Variants in PIWIL2 observed in about 807,000 individuals in gnomAD.
The protein encoded by PIWIL2 is piwi-like protein 2.
In PIWIL2, 81 loss-of-function variants were observed where a neutral mutation model predicts 116.5. The ratio of observed to expected loss-of-function variants is 0.70; its 90% confidence interval spans 0.58 to 0.84. The LOEUF is 0.84. PIWIL2 is among the 40% of genes least tolerant of loss of function. PIWIL2 has a pLI of 0.00. For synonymous variants in PIWIL2, 489 were observed against 429.5 expected (o/e 1.14, Z -1.71); for missense variants, 1,272 against 1,212.3 (o/e 1.05, Z -0.73).
chr8:22,332,562 A>G (rs1385891197), intron 20 of PIWIL2, among the ~76,000 whole-genome samples: 1 of 152,088 alleles, frequency 6.6e-6, no homozygotes, highest in Non-Finnish European at 1.5e-5. Flanking sequence ...GAGGGTAAAG[A>G]TAAATATATA....
In PIWIL2 at chr8:22,337,933, A is replaced by C. The variant is rs1252472083; in HGVS notation, c.2404-15026A>C. ...ACATGGCAAAACCCCGTCTCTACTAAAAGTACAAGTATTAGCAGGGTGTGG... is the reference window on the plus strand; with the variant it reads ...ACATGGCAAAACCCCGTCTCTACTACAAGTACAAGTATTAGCAGGGTGTGG... On this transcript the variant is annotated intron_variant, in intron 20 of 22. Transcript: ENST00000356766. Among the ~76,000 whole-genome samples the C allele has an allele frequency of 3.3e-5, 5 of 151,684 alleles. No individual in the cohort carries two copies. The South Asian group carries it at 8.3e-4, about 25-fold the overall frequency.
chr8:22,331,104 A>G (rs1258769439), intron 20 of PIWIL2, among the ~76,000 whole-genome samples: 2 of 152,170 alleles, frequency 1.3e-5, no homozygotes, highest in Non-Finnish European at 2.9e-5. Flanking sequence ...TGAACCCAGG[A>G]GGTGGAGGTT....
At chr8:22,280,124 A>G (rs558058071) in intron 2 of PIWIL2, among the ~76,000 whole-genome samples, 2 of 152,312 alleles carry the variant, frequency 1.3e-5, no homozygotes, top group Non-Finnish European at 2.9e-5. Flanking sequence ...CTTGGTAAGT[A>G]CCATAGGTCC....
chr8:22,345,432 G>A (rs920327122), intron 20 of PIWIL2, among the ~76,000 whole-genome samples: 4 of 151,958 alleles, frequency 2.6e-5, no homozygotes, highest in African/African-American at 7.2e-5. Context: ...AGGCTGAGGC[G>A]GGCGGATCAC....
intron 20 of PIWIL2, among the ~76,000 whole-genome samples, chr8:22,323,768 A>G (rs1007249053): frequency 1.3e-5 from 2 of 152,264 alleles, no homozygotes; most frequent in Non-Finnish European, 2.9e-5. Context: ...TAATTAGTCC[A>G]GATTATCATC....
chr8:22,309,937 A>T (rs773099598), intron 14 of PIWIL2, 24 bp from the exon 15 acceptor site: 1 of 1,391,890 alleles, frequency 7.2e-7, no homozygotes, highest in Non-Finnish European at 1.0e-6. Flanking sequence ...GGCTCATGTC[A>T]TAGATGGTTT....
intron 20 of PIWIL2, among the ~76,000 whole-genome samples, chr8:22,351,108 A>G (rs1230607733): frequency 4.6e-5 from 7 of 151,666 alleles, no homozygotes; most frequent in Admixed American, 4.6e-4. Context: ...TCAAGATTGC[A>G]TCACTGCACT....
intron 20 of PIWIL2, among the ~76,000 whole-genome samples, chr8:22,349,092 A>C (rs1832294012): frequency 1.4e-5 from 2 of 138,816 alleles, no homozygotes; most frequent in African/African-American, 5.3e-5. Flanking sequence ...TCTGTCACCC[A>C]GGCTGGAGTG....
chr8:22,328,055 T>G (rs1168495638), intron 20 of PIWIL2, among the ~76,000 whole-genome samples: 1 of 151,974 alleles, frequency 6.6e-6, no homozygotes, highest in African/African-American at 2.4e-5. Flanking sequence ...TGTCCCCTGT[T>G]TTTTTTTTCT....
intron 10 of PIWIL2, among the ~76,000 whole-genome samples, chr8:22,301,906 G>A (rs1360869755): frequency 6.6e-6 from 1 of 152,076 alleles, no homozygotes; most frequent in Admixed American, 6.6e-5. Context: ...ACCTTTGTCA[G>A]TTATTATTTG....
rs199838016 is a variant in PIWIL2, at chr8:22,355,687, G to C, written c.*182G>C. 1.6e-6 allele frequency: 1 copy of C among 620,880 alleles called. No individual in the cohort carries two copies. Among genetic ancestry groups the C allele is most frequent in the African/African-American group, 1.8e-5 (1 of 54,258 alleles). The allele number at this position is 620,880 out of a possible 1,614,324, so 38.5% of individuals were successfully genotyped here. On this transcript the variant is annotated 3_prime_UTR_variant, in exon 23 of 23. Transcript: ENST00000356766. Reference sequence around the variant, plus strand: ...TAATATCACCAAGAAGCAAGTTTCTGAGTAACAGCTGAAAATGGCCTTGTT... The same window carrying C: ...TAATATCACCAAGAAGCAAGTTTCTCAGTAACAGCTGAAAATGGCCTTGTT...
chr8:22,353,095 T>C lies in PIWIL2; in HGVS notation c.2540T>C (p.Met847Thr). Residue 847 changes from methionine to threonine, a missense_variant, in exon 21 of 23, where the codon ATG (methionine) becomes ACG (threonine). Transcript: ENST00000356766. ...FEAFENYQPK[M>T]VVFVVQKKIS... ...GCTTTTGAGAATTATCAGCCCAAGATGGTGGTGTTTGTAGTTCAGAAGAAA... is the reference window on the plus strand; with the variant it reads ...GCTTTTGAGAATTATCAGCCCAAGACGGTGGTGTTTGTAGTTCAGAAGAAA... 1.2e-6 allele frequency: 2 copies of C among 1,614,188 alleles called. No homozygotes were observed. The highest frequency in any genetic ancestry group is 1.7e-6 in the Non-Finnish European group (2 of 1,180,016).
At position 22,279,367 on chromosome 8, in the gene PIWIL2, G is replaced by T. The variant is rs150497956; in HGVS notation, c.-20G>T. 5.6e-6 allele frequency: 9 copies of T among 1,594,612 alleles called. No homozygotes were observed. In the Admixed American group the frequency reaches 1.5e-4, roughly 27 times the overall value. On this transcript the variant is annotated 5_prime_UTR_variant, in exon 2 of 23. Transcript: ENST00000356766. ...TAATTAACCAGAACAGGATCGACAC[G>T]TGTTCTCTACAGCCCGTCCATGGAT...
chr8:22,285,505 G>T (rs1407322434), intron 6 of PIWIL2, among the ~76,000 whole-genome samples: 7 of 152,172 alleles, frequency 4.6e-5, no homozygotes, highest in African/African-American at 1.7e-4. Context: ...GTTGTGAACA[G>T]TGCTGCAGTG....
In PIWIL2 at chr8:22,287,545, A is replaced by G; in HGVS notation, c.761A>G (p.Lys254Arg). ...HVTFSPNVEC[K>R]SMRFGMLKDH... ...TTTTCCAGCCCCAATGTGGAGTGCAAAAGCATGAGGTTCGGCATGTTGAAG... is the reference window on the plus strand; with the variant it reads ...TTTTCCAGCCCCAATGTGGAGTGCAGAAGCATGAGGTTCGGCATGTTGAAG... Residue 254 changes from lysine (K) to arginine (R), a missense_variant, in exon 7 of 23, where the codon AAA (lysine) becomes AGA (arginine). By Grantham distance (26) the Lys-to-Arg change is conservative. Coordinates refer to ENST00000356766, the MANE Select transcript of PIWIL2 (RefSeq NM_018068.5). The G allele has an allele frequency of 6.2e-7, 1 of 1,612,908 alleles. No individual in the cohort carries two copies. The highest frequency in any genetic ancestry group is 1.3e-5 in the African/African-American group (1 of 75,026).
At chr8:22,346,376 C>T (rs879813391) in intron 20 of PIWIL2, among the ~76,000 whole-genome samples, 1 of 152,196 alleles carries the variant, frequency 6.6e-6, no homozygotes, top group Non-Finnish European at 1.5e-5. Flanking sequence ...GGAAGAATGC[C>T]TTCGCATGCT....
At position 22,278,015 on chromosome 8, in the gene PIWIL2, A is replaced by G. The variant is rs138084185; in HGVS notation, c.-46-1326A>G. On this transcript the variant is annotated intron_variant, in intron 1 of 22. Transcript: ENST00000356766. ...GAAACCCCGTCTCTATTAAAAATAC[A>G]AAATTAGCCGAGCATGGTGCTGCAT... Among the ~76,000 whole-genome samples, 1,355 of 152,216 alleles carry G rather than the reference A, an allele frequency of 8.9e-3. 20 individuals are homozygous for G. Among genetic ancestry groups the G allele is most frequent in the Middle Eastern group, 0.054 (16 of 294 alleles).
At chr8:22,320,332 C>T (rs1449581153) in intron 20 of PIWIL2, among the ~76,000 whole-genome samples, 1 of 144,822 alleles carries the variant, frequency 6.9e-6, no homozygotes, top group Non-Finnish European at 1.5e-5. Flanking sequence ...GGCGCAATCT[C>T]AGCTTACCAC....
At chr8:22,282,691 A>G (rs1006053678) in intron 4 of PIWIL2, among the ~76,000 whole-genome samples, 1 of 151,926 alleles carries the variant, frequency 6.6e-6, no homozygotes, top group African/African-American at 2.4e-5. Flanking sequence ...CCCAGGCTGA[A>G]GTGATCCTCC....
Sources: gnomAD v4.1 joint callset for allele counts (sites outside exome capture counted in the v4.1 genomes callset) on GRCh38, gnomAD v4.1.1 for gene constraint, MANE v1.5 for transcripts, NCBI Gene and HGNC (gene_info 2026-07-23, HGNC 2026-07-21) for gene names.